Variants in KCNH8 observed in about 807,000 individuals in gnomAD.
The protein encoded by KCNH8 is voltage-gated delayed rectifier potassium channel KCNH8.
Under a neutral mutation model 103.6 loss-of-function variants are expected in KCNH8, and 70 were observed. The observed-to-expected ratio is 0.68, with a 90% CI of 0.56 to 0.82. The LOEUF is 0.82. Among genes scored for constraint, KCNH8 ranks in the 40% least tolerant of loss-of-function variants. The probability of loss-of-function intolerance (pLI) is 0.00; values close to 1 mark genes in which losing one functional copy is unlikely to be tolerated. For missense variants in KCNH8, 1,217 were observed against 1,329.9 expected (o/e 0.92, Z 1.32); for synonymous variants, 498 against 489.4 (o/e 1.02, Z -0.23).
At chr3:19,327,493 T>C (rs2065440328) in intron 3 of KCNH8, among the ~76,000 whole-genome samples, 1 of 152,170 alleles carries the variant, frequency 6.6e-6, no homozygotes, top group Admixed American at 6.5e-5. Context: ...TTTCACCATG[T>C]TGGCTGGTCT....
chr3:19,225,517 G>A (rs540907275), intron 1 of KCNH8, among the ~76,000 whole-genome samples: 1 of 152,184 alleles, frequency 6.6e-6, no homozygotes, highest in African/African-American at 2.4e-5. Context: ...TTTAGTATCT[G>A]TTCTTCTCCT....
intron 11 of KCNH8, among the ~76,000 whole-genome samples, chr3:19,488,375 T>G (rs980152008): frequency 1.3e-5 from 2 of 152,216 alleles, no homozygotes; most frequent in Non-Finnish European, 2.9e-5. Context: ...GTTGCATCTT[T>G]GTTCACAAAC....
At position 19,177,199 on chromosome 3, in the gene KCNH8, G is replaced by A. The variant is rs576716978; in HGVS notation, c.76+28404G>A. ...CACAAAAAAGACACTTGTTTTTACA[G>A]TATGAGAGGTAAACCAAGAAGGCAG... On this transcript the variant is annotated intron_variant, in intron 1 of 15. Transcript: ENST00000328405. Among the ~76,000 whole-genome samples the A allele has an allele frequency of 2.6e-5, 4 of 152,216 alleles. 1 individual carries two copies. Among genetic ancestry groups the A allele is most frequent in the South Asian group, 2.1e-4 (1 of 4,828 alleles).
intron 3 of KCNH8, among the ~76,000 whole-genome samples, chr3:19,332,922 T>C (rs2065531670): frequency 1.3e-5 from 2 of 152,170 alleles, no homozygotes; most frequent in South Asian, 4.1e-4. Context: ...TGTGAGCCAT[T>C]GAGCCCGGCA....
chr3:19,380,340 A>T (rs1489344275), intron 5 of KCNH8, among the ~76,000 whole-genome samples: 1 of 152,208 alleles, frequency 6.6e-6, no homozygotes, highest in Non-Finnish European at 1.5e-5. Context: ...TTGATAGTGT[A>T]TATTTCCAAC....
At chr3:19,153,881 C>T (rs1048363134) in intron 1 of KCNH8, among the ~76,000 whole-genome samples, 6 of 152,122 alleles carry the variant, frequency 3.9e-5, no homozygotes, top group Admixed American at 6.5e-5. Flanking sequence ...ATCCACCCAC[C>T]GCGCCCTCCC....
chr3:19,224,505 C>G lies in KCNH8; in HGVS notation c.77-29149C>G, dbSNP rs531463809. ...CTCCCTCCTTTCCAATAATTTATTC[C>G]TATGAGGTTGAGAAGAACTAACTTT... On this transcript the variant is annotated intron_variant, in intron 1 of 15. Coordinates refer to ENST00000328405, the MANE Select transcript of KCNH8 (RefSeq NM_144633.3). 4.6e-5 allele frequency among the ~76,000 whole-genome samples: 7 copies of G among 150,884 alleles called. No individual in the cohort carries two copies. The East Asian group carries it at 1.4e-3, about 29-fold the overall frequency.
intron 1 of KCNH8, among the ~76,000 whole-genome samples, chr3:19,180,260 C>CCCTT (rs1171634264): frequency 1.3e-4 from 1 of 7,980 alleles, no homozygotes; most frequent in Non-Finnish European, 3.3e-4. Flanking sequence ...ACAGACTTGG[C>CCCTT]CCTTCAAAGG....
chr3:19,419,202 T>TG lies in KCNH8; in HGVS notation c.1178-18962_1178-18961insG, dbSNP rs1392631900. On this transcript the variant is annotated intron_variant, in intron 7 of 15. Coordinates refer to ENST00000328405, the MANE Select transcript of KCNH8 (RefSeq NM_144633.3). ...GTAATTAAAATGGTTTTGGTTTTTT[T>TG]TTTTTTTTTTTTTTTGAGACGGAGT... Among the ~76,000 whole-genome samples the TG allele has an allele frequency of 3.5e-4, 47 of 135,712 alleles. 1 individual carries two copies. The highest frequency in any genetic ancestry group is 5.6e-4 in the Non-Finnish European group (36 of 63,834). 89.0% of individuals were successfully genotyped at this position (135,712 alleles called of 152,430 possible).
intron 2 of KCNH8, among the ~76,000 whole-genome samples, chr3:19,257,987 T>C (rs980720852): frequency 6.6e-6 from 1 of 152,036 alleles, no homozygotes; most frequent in Non-Finnish European, 1.5e-5. Flanking sequence ...GCCTTCATCT[T>C]TACATATAGG....
intron 11 of KCNH8, among the ~76,000 whole-genome samples, chr3:19,474,926 T>C (rs895760059): frequency 5.9e-5 from 9 of 152,286 alleles, no homozygotes; most frequent in Middle Eastern, 3.4e-3. Context: ...GCATCATATA[T>C]AGAGAACAAC....
At chr3:19,490,685 G>A (rs1185774976) in intron 11 of KCNH8, among the ~76,000 whole-genome samples, 1 of 152,080 alleles carries the variant, frequency 6.6e-6, no homozygotes, top group Non-Finnish European at 1.5e-5. Flanking sequence ...ACAATATGAG[G>A]GGTGGTCTCC....
chr3:19,278,781 T>G (rs1385176131), intron 2 of KCNH8, among the ~76,000 whole-genome samples: 1 of 152,112 alleles, frequency 6.6e-6, no homozygotes, highest in Non-Finnish European at 1.5e-5. Flanking sequence ...AAAAGACAAA[T>G]CTCAAAGTAA....
chr3:19,401,979 C>G (rs1368250707), intron 7 of KCNH8, among the ~76,000 whole-genome samples: 1 of 151,852 alleles, frequency 6.6e-6, no homozygotes, highest in African/African-American at 2.4e-5. Context: ...ACAATATACT[C>G]AGTATCTTTG....
chr3:19,467,526 A>G (rs778367511), intron 11 of KCNH8, among the ~76,000 whole-genome samples: 2 of 152,214 alleles, frequency 1.3e-5, no homozygotes, highest in Non-Finnish European at 2.9e-5. Context: ...TTTGTCAGGA[A>G]TAAGCTGAAC....
chr3:19,252,787 C>T (rs1404876829), intron 1 of KCNH8, among the ~76,000 whole-genome samples: 1 of 152,168 alleles, frequency 6.6e-6, no homozygotes, highest in African/African-American at 2.4e-5. Flanking sequence ...TCCTACAACA[C>T]ACCTATGAAG....
intron 3 of KCNH8, among the ~76,000 whole-genome samples, chr3:19,288,010 CT>C (rs2064857650): frequency 6.6e-6 from 1 of 152,108 alleles, no homozygotes; most frequent in Admixed American, 6.5e-5. Context: ...TTTTCCCTCA[CT>C]TGGAATATAT....
intron 7 of KCNH8, among the ~76,000 whole-genome samples, chr3:19,415,941 T>C (rs891957529): frequency 1.3e-5 from 2 of 152,054 alleles, no homozygotes; most frequent in African/African-American, 4.8e-5. Flanking sequence ...CCTGAATAGG[T>C]AAGGTGGAAT....
intron 1 of KCNH8, among the ~76,000 whole-genome samples, chr3:19,234,599 C>T (rs1201045890): frequency 2.7e-5 from 4 of 149,660 alleles, no homozygotes; most frequent in African/African-American, 7.4e-5. Context: ...CGTCCGCAGG[C>T]CCGGTTCCCG....
Sources: allele counts gnomAD v4.1 joint callset (sites outside exome capture counted in the v4.1 genomes callset), GRCh38; gene constraint gnomAD v4.1.1; transcripts MANE v1.5; gene names NCBI Gene and HGNC (gene_info 2026-07-23, HGNC 2026-07-21).